Variants in GPC5 observed in about 807,000 individuals in gnomAD.
GPC5 encodes the protein glypican 5.
GPC5 carries 47 observed loss-of-function variants against 53.9 expected under a neutral mutation model. The observed-to-expected ratio is 0.87, with a 90% CI of 0.69 to 1.11. The LOEUF (loss-of-function observed/expected upper bound fraction) is 1.11. GPC5 is among the 50% of genes most tolerant of loss of function. The pLI, the probability that GPC5 is intolerant of heterozygous loss-of-function variation, is 0.00. For synonymous variants in GPC5, 286 were observed against 263.3 expected (o/e 1.09, Z -0.84); for missense variants, 748 against 713.1 (o/e 1.05, Z -0.56).
intron 6 of GPC5, among the ~76,000 whole-genome samples, chr13:92,067,764 C>T (rs2041178682): frequency 6.6e-6 from 1 of 151,988 alleles, no homozygotes; most frequent in Admixed American, 6.6e-5. Flanking sequence ...GTGTCTCCAT[C>T]TCACACATGT....
At chr13:91,707,965 T>C (rs1274823738) in intron 3 of GPC5, among the ~76,000 whole-genome samples, 2 of 152,180 alleles carry the variant, frequency 1.3e-5, no homozygotes, top group African/African-American at 2.4e-5. Context: ...ATGGAATATT[T>C]TTTGGTAATA....
At chr13:92,183,651 AG>A (rs1458063351) in intron 7 of GPC5, among the ~76,000 whole-genome samples, 2 of 152,142 alleles carry the variant, frequency 1.3e-5, no homozygotes, top group African/African-American at 4.8e-5. Flanking sequence ...ATAAATGTAT[AG>A]ATTAGTTAAG....
intron 7 of GPC5, among the ~76,000 whole-genome samples, chr13:92,437,350 T>C (rs1357385633): frequency 6.6e-6 from 1 of 152,144 alleles, no homozygotes; most frequent in Non-Finnish European, 1.5e-5. Flanking sequence ...TCTCTTACAA[T>C]AGACTTGTTA....
At chr13:92,398,766 A>C (rs1458407774) in intron 7 of GPC5, among the ~76,000 whole-genome samples, 1 of 151,834 alleles carries the variant, frequency 6.6e-6, no homozygotes, top group South Asian at 2.1e-4. Flanking sequence ...TTTTTTTTCT[A>C]TTCCTGTTAA....
intron 7 of GPC5, among the ~76,000 whole-genome samples, chr13:92,529,754 A>G (rs1266352895): frequency 1.3e-5 from 2 of 152,216 alleles, no homozygotes; most frequent in Admixed American, 6.5e-5. Context: ...ATCACACCAT[A>G]GAACTAGTCA....
At chr13:91,892,056 C>T (rs1168588293) in intron 5 of GPC5, among the ~76,000 whole-genome samples, 1 of 151,898 alleles carries the variant, frequency 6.6e-6, no homozygotes, top group African/African-American at 2.4e-5. Flanking sequence ...GACTATCAGA[C>T]TTTTATAAAT....
At position 91,956,401 on chromosome 13, in the gene GPC5, G is replaced by C. The variant is rs192177282; in HGVS notation, c.1401+48344G>C. 4.6e-5 allele frequency among the ~76,000 whole-genome samples: 7 copies of C among 152,200 alleles called. No individual in the cohort carries two copies. In the East Asian group the frequency reaches 1.4e-3, roughly 30 times the overall value. On this transcript the variant is annotated intron_variant, in intron 6 of 7. Coordinates refer to ENST00000377067, the MANE Select transcript of GPC5 (RefSeq NM_004466.6). ...CAATAAGGACCTCTTGGGAGGCACA[G>C]GGTTTTCCTGCCACTGCTGCTGCCA...
chr13:92,124,073 A>G (rs2041673128), intron 6 of GPC5, among the ~76,000 whole-genome samples: 1 of 151,852 alleles, frequency 6.6e-6, no homozygotes, highest in Admixed American at 6.6e-5. Context: ...CGAAATCTCA[A>G]AGGTACATAT....
intron 5 of GPC5, among the ~76,000 whole-genome samples, chr13:91,820,990 A>AT (rs1397485311): frequency 4.1e-4 from 63 of 152,198 alleles, no homozygotes; most frequent in African/African-American, 1.4e-3. Flanking sequence ...ATAAAATAAA[A>AT]AAAAAAAAGA....
intron 6 of GPC5, among the ~76,000 whole-genome samples, chr13:91,958,220 A>G (rs944479224): frequency 6.6e-6 from 1 of 151,906 alleles, no homozygotes; most frequent in Non-Finnish European, 1.5e-5. Flanking sequence ...CCAAAAAACT[A>G]GCAGAGGTAG....
At chr13:92,320,102 G>GA (rs556899597) in intron 7 of GPC5, among the ~76,000 whole-genome samples, 5 of 151,704 alleles carry the variant, frequency 3.3e-5, no homozygotes, top group East Asian at 3.9e-4. Context: ...GTCTGAATTA[G>GA]AAAAAAAATG....
intron 6 of GPC5, among the ~76,000 whole-genome samples, chr13:92,044,163 C>CT (rs1313925938): frequency 2.0e-5 from 3 of 152,284 alleles, no homozygotes; most frequent in Non-Finnish European, 4.4e-5. Flanking sequence ...AAAATCTATA[C>CT]TTTGTCACCT....
chr13:92,596,602 T>C (rs970756662), intron 7 of GPC5, among the ~76,000 whole-genome samples: 2 of 152,056 alleles, frequency 1.3e-5, no homozygotes, highest in Non-Finnish European at 2.9e-5. Context: ...GCCTCCCAAG[T>C]AGCTGGGACA....
chr13:92,634,760 G>A lies in GPC5; in HGVS notation c.1562-231522G>A, dbSNP rs191187811. Among the ~76,000 whole-genome samples, 465 of 151,390 alleles carry A rather than the reference G, an allele frequency of 3.1e-3. 4 individuals are homozygous for A. The highest frequency in any genetic ancestry group is 0.011 in the South Asian group (55 of 4,810). ...ATTGCCTCTTTGCCCCTTTCCCTTG[G>A]ATCCTAAGGAAGAGTCCTACATTTT... On this transcript the variant is annotated intron_variant, in intron 7 of 7. Transcript: ENST00000377067.
chr13:92,209,824 G>A (rs893408445), intron 7 of GPC5, among the ~76,000 whole-genome samples: 7 of 152,060 alleles, frequency 4.6e-5, no homozygotes, highest in African/African-American at 1.7e-4. Context: ...GTTTATTAAG[G>A]AATATTGACT....
intron 7 of GPC5, among the ~76,000 whole-genome samples, chr13:92,847,783 T>G (rs1453162961): frequency 3.9e-5 from 6 of 152,194 alleles, no homozygotes; most frequent in Non-Finnish European, 8.8e-5. Flanking sequence ...AGGATTTTTT[T>G]ATTCAACGTG....
chr13:92,862,626 C>CAGATAGATAGATAGAT (rs369002690), intron 7 of GPC5, among the ~76,000 whole-genome samples: 24 of 129,758 alleles, frequency 1.8e-4, no homozygotes, highest in Middle Eastern at 4.1e-3. Context: ...GATAGATAGA[C>CAGATAGATAGATAGAT]AGATAGATAG....
At chr13:91,447,594 G>C (rs1467302050) in intron 1 of GPC5, among the ~76,000 whole-genome samples, 2 of 152,094 alleles carry the variant, frequency 1.3e-5, no homozygotes, top group Non-Finnish European at 2.9e-5. Context: ...AGCTGACCCA[G>C]AACCAACTTT....
At chr13:92,037,921 G>A (rs79850317) in intron 6 of GPC5, among the ~76,000 whole-genome samples, 6,881 of 152,104 alleles carry the variant, frequency 0.045, 185 homozygotes, top group Middle Eastern at 0.054. Flanking sequence ...GAGAATCATA[G>A]GACCTTCCTT....
Sources: allele counts gnomAD v4.1 joint callset (sites outside exome capture counted in the v4.1 genomes callset), GRCh38; gene constraint gnomAD v4.1.1; transcripts MANE v1.5; gene names NCBI Gene and HGNC (gene_info 2026-07-23, HGNC 2026-07-21).